The following TMEM178B variants were observed in gnomAD, a reference collection of about 807,000 sequenced individuals.
TMEM178B encodes transmembrane protein 178B.
TMEM178B carries 5 observed loss-of-function variants against 31.0 expected under a neutral mutation model. The ratio of observed to expected loss-of-function variants is 0.16; its 90% CI spans 0.08 to 0.34. TMEM178B has a LOEUF of 0.34. Ranked by LOEUF, TMEM178B falls within the 10% of genes least tolerant of loss-of-function variation. The pLI is 1.00. For synonymous variants in TMEM178B, 164 were observed against 164.0 expected (o/e 1.00, Z 0.00); for missense variants, 275 against 400.3 (o/e 0.69, Z 2.67).
Position 141,473,475 on chromosome 7 carries a change from C to T in TMEM178B, c.*2689C>T, listed in dbSNP as rs537294052. On this transcript the variant is annotated 3_prime_UTR_variant, in exon 4 of 4. Transcript: ENST00000565468. ...AATCATGTTTGAGGATGCTGGCTCACAGACCTATCATTATTTATATCCTCT... is the reference window on the plus strand; with the variant it reads ...AATCATGTTTGAGGATGCTGGCTCATAGACCTATCATTATTTATATCCTCT... The T allele has an allele frequency of 1.3e-5, 2 of 152,294 alleles. No individual in the cohort carries two copies. The highest frequency in any genetic ancestry group is 2.1e-4 in the South Asian group (1 of 4,818). The allele number at this position is 152,294 out of a possible 1,614,324, so 9.4% of individuals were successfully genotyped here.
intron 1 of TMEM178B, among the ~76,000 whole-genome samples, chr7:141,167,028 T>C (rs1239940493): frequency 6.6e-6 from 1 of 152,238 alleles, no homozygotes; most frequent in African/African-American, 2.4e-5. Context: ...ATGACAATGT[T>C]AAAGATCATA....
chr7:141,241,011 TA>T (rs1292415736), intron 2 of TMEM178B, among the ~76,000 whole-genome samples: 34 of 125,430 alleles, frequency 2.7e-4, no homozygotes, highest in Admixed American at 1.4e-3. Context: ...TTTTTTTTTT[TA>T]AATTTATTTC....
the TMEM178B span, among the ~76,000 whole-genome samples, chr7:141,487,569 G>A: frequency 4.0e-5 from 6 of 151,616 alleles, no homozygotes; most frequent in Non-Finnish European, 7.4e-5. Flanking sequence ...GTGAAACCCC[G>A]TCTCTACTAA....
chr7:141,406,671 A>C (rs1219905813), intron 2 of TMEM178B, among the ~76,000 whole-genome samples: 1 of 152,262 alleles, frequency 6.6e-6, no homozygotes, highest in Non-Finnish European at 1.5e-5. Context: ...AGTTTTACTT[A>C]ACCAAAATAT....
rs143544383 is a variant in TMEM178B at position 141,294,059 on chromosome 7, A to G, written c.496+81355A>G. On this transcript the variant is annotated intron_variant, in intron 2 of 3. Transcript: ENST00000565468. Reference sequence around the variant, plus strand: ...AAGAGCAGAGAATTTGAATGGGGAGACAAGGGTTTGAGTCCCAAGTTTGCC... The same window carrying G: ...AAGAGCAGAGAATTTGAATGGGGAGGCAAGGGTTTGAGTCCCAAGTTTGCC... Among the ~76,000 whole-genome samples the G allele has an allele frequency of 1.3e-3, 195 of 152,256 alleles. 2 individuals are homozygous for G. Among genetic ancestry groups the G allele is most frequent in the African/African-American group, 4.1e-3 (171 of 41,546 alleles).
In TMEM178B at chr7:141,307,412, G is replaced by A. The variant is rs560568554; in HGVS notation, c.496+94708G>A. Among the ~76,000 whole-genome samples the A allele has an allele frequency of 9.8e-5, 15 of 152,330 alleles. No homozygotes were observed. In the South Asian group the frequency reaches 1.4e-3, roughly 15 times the overall value. ...GCCAGGTACCCTAGGGGATGGCACC[G>A]GCAGGGGATCCTGGCAGCGGCTGCC... is the stretch of plus-strand genomic sequence containing the variant. On this transcript the variant is annotated intron_variant, in intron 2 of 3. Coordinates refer to ENST00000565468, the MANE Select transcript of TMEM178B (RefSeq NM_001195278.2).
intron 2 of TMEM178B, among the ~76,000 whole-genome samples, chr7:141,405,416 A>G (rs893563625): frequency 1.3e-5 from 2 of 152,356 alleles, no homozygotes; most frequent in East Asian, 1.9e-4. Context: ...TAAGCTGCCT[A>G]TGGAGCTTAC....
At chr7:141,433,009 G>A (rs1204747700) in intron 2 of TMEM178B, among the ~76,000 whole-genome samples, 1 of 152,236 alleles carries the variant, frequency 6.6e-6, no homozygotes, top group Non-Finnish European at 1.5e-5. Context: ...CCAAGTAGAA[G>A]AGAGCTGGGA....
intron 1 of TMEM178B, among the ~76,000 whole-genome samples, chr7:141,161,530 G>A (rs1204472064): frequency 1.3e-5 from 2 of 152,172 alleles, no homozygotes; most frequent in East Asian, 1.9e-4. Context: ...GAAGAGTGAC[G>A]AGATCAAAGC....
At chr7:141,490,309 T>G in the TMEM178B span, among the ~76,000 whole-genome samples, 12 of 152,236 alleles carry the variant, frequency 7.9e-5, no homozygotes, top group South Asian at 2.5e-3. Flanking sequence ...GATGATTAAG[T>G]TAAGATGAAG....
intron 1 of TMEM178B, among the ~76,000 whole-genome samples, chr7:141,087,813 A>G (rs577190597): frequency 3.9e-5 from 6 of 152,256 alleles, no homozygotes; most frequent in African/African-American, 9.6e-5. Context: ...TGCCTTCCCT[A>G]TTTATACAAA....
At chr7:141,308,923 A>G (rs1273451254) in intron 2 of TMEM178B, among the ~76,000 whole-genome samples, 1 of 152,144 alleles carries the variant, frequency 6.6e-6, no homozygotes, top group African/African-American at 2.4e-5. Flanking sequence ...ACAGAAGTCA[A>G]ACAAACATGG....
At chr7:141,492,634 C>T in the TMEM178B span, among the ~76,000 whole-genome samples, 13 of 152,160 alleles carry the variant, frequency 8.5e-5, no homozygotes, top group African/African-American at 2.9e-4. Context: ...GAGGTGGGAA[C>T]GACAGAAATG....
intron 2 of TMEM178B, among the ~76,000 whole-genome samples, chr7:141,353,008 T>C (rs1799761476): frequency 6.6e-6 from 1 of 152,226 alleles, no homozygotes; most frequent in South Asian, 2.1e-4. Flanking sequence ...GCATTGTTTC[T>C]GGTGGTTCAC....
chr7:141,140,973 A>G (rs1217178053), intron 1 of TMEM178B, among the ~76,000 whole-genome samples: 2 of 151,950 alleles, frequency 1.3e-5, no homozygotes, highest in African/African-American at 2.4e-5. Flanking sequence ...CTCTTTTCCT[A>G]CTGTACTCTT....
chr7:141,283,515 G>A (rs1798398074), intron 2 of TMEM178B, among the ~76,000 whole-genome samples: 3 of 152,182 alleles, frequency 2.0e-5, no homozygotes, highest in Admixed American at 6.5e-5. Context: ...TTTTAAGTGT[G>A]CATTTCTCTA....
chr7:141,494,666 G>T, the TMEM178B span, among the ~76,000 whole-genome samples: 1 of 152,188 alleles, frequency 6.6e-6, no homozygotes, highest in Non-Finnish European at 1.5e-5. Flanking sequence ...CACTTTGAAA[G>T]GCCAAGGTGG....
intron 1 of TMEM178B, among the ~76,000 whole-genome samples, chr7:141,080,879 A>T (rs1794671142): frequency 6.6e-6 from 1 of 151,792 alleles, no homozygotes; most frequent in Admixed American, 6.6e-5. Context: ...GCAACCCATT[A>T]CTCCTGTGTT....
intron 1 of TMEM178B, among the ~76,000 whole-genome samples, chr7:141,075,332 G>A (rs925231671): frequency 6.6e-6 from 1 of 151,616 alleles, no homozygotes; most frequent in Non-Finnish European, 1.5e-5. Context: ...ATATCAACAA[G>A]GTCTAATAAG....
Sources: allele counts gnomAD v4.1 joint callset (sites outside exome capture counted in the v4.1 genomes callset), GRCh38; gene constraint gnomAD v4.1.1; transcripts MANE v1.5; gene names NCBI Gene and HGNC (gene_info 2026-07-23, HGNC 2026-07-21).